Variants in ABI1 observed in about 807,000 individuals in gnomAD.
ABI1 encodes abl interactor 1.
In ABI1, 14 loss-of-function variants were observed where a neutral mutation model predicts 54.6. The observed-to-expected ratio is 0.26, with a 90% CI of 0.17 to 0.40. The LOEUF is 0.40. Ranked by LOEUF, ABI1 falls within the 10% of genes least tolerant of loss-of-function variation. ABI1 has a pLI of 1.00. For synonymous variants in ABI1, 194 were observed against 209.3 expected (o/e 0.93, Z 0.63); for missense variants, 443 against 598.3 (o/e 0.74, Z 2.71).
At chr10:26,834,884 C>T (rs2048939998) in intron 1 of ABI1, among the ~76,000 whole-genome samples, 2 of 152,078 alleles carry the variant, frequency 1.3e-5, no homozygotes, top group African/African-American at 2.4e-5. Context: ...GGGCAAATCA[C>T]TTGAGGTCAG....
intron 1 of ABI1, among the ~76,000 whole-genome samples, chr10:26,852,772 A>T (rs2050499146): frequency 6.6e-6 from 1 of 152,166 alleles, no homozygotes; most frequent in South Asian, 2.1e-4. Context: ...TTTTTCAAAA[A>T]TGTGTTTTTG....
chr10:26,823,805 C>A (rs2048137472), intron 1 of ABI1, among the ~76,000 whole-genome samples: 1 of 152,128 alleles, frequency 6.6e-6, no homozygotes, highest in East Asian at 1.9e-4. Flanking sequence ...TGCTCCAATT[C>A]CTTACCCACC....
At chr10:26,849,122 G>C (rs950169981) in intron 1 of ABI1, among the ~76,000 whole-genome samples, 1 of 152,088 alleles carries the variant, frequency 6.6e-6, no homozygotes, top group African/African-American at 2.4e-5. Context: ...GACCTTTACA[G>C]GGGGTCCACG....
intron 1 of ABI1, among the ~76,000 whole-genome samples, chr10:26,838,519 C>T (rs2049260390): frequency 6.6e-6 from 1 of 152,092 alleles, no homozygotes; most frequent in South Asian, 2.1e-4. Context: ...CCACAAGGCT[C>T]CAGAAATACT....
chr10:26,819,041 G>A (rs2047788890), intron 2 of ABI1, among the ~76,000 whole-genome samples: 5 of 152,164 alleles, frequency 3.3e-5, no homozygotes, highest in Admixed American at 3.3e-4. Context: ...TAAGACAGGA[G>A]AGAAGTGGAA....
intron 2 of ABI1, 25 bp downstream of exon 2, chr10:26,823,113 T>A (rs1346946890): frequency 6.4e-7 from 1 of 1,550,786 alleles, no homozygotes. Context: ...TTAAATTGAA[T>A]TTAAAGCATT....
rs548804394 is a variant in ABI1, at chr10:26,856,428, T to C, written c.117+4319A>G. 5.9e-5 allele frequency among the ~76,000 whole-genome samples: 6 copies of C among 102,510 alleles called. No homozygotes were observed. In the East Asian group the frequency reaches 1.7e-3, roughly 29 times the overall value. 67.3% of individuals were successfully genotyped at this position (102,510 alleles called of 152,430 possible). On this transcript the variant is annotated intron_variant, in intron 1 of 10. Transcript: ENST00000376140. ...CTCGGAACCTCTAACTGTCCATCTG[T>C]TACTCAAAAAAAAAAAAAAAAAAAA...
intron 6 of ABI1, among the ~76,000 whole-genome samples, chr10:26,766,112 C>T (rs1839923931): frequency 6.6e-6 from 1 of 151,856 alleles, no homozygotes; most frequent in African/African-American, 2.4e-5. Context: ...ATGAAACTTC[C>T]TCTCATCTCA....
At chr10:26,788,199 C>T (rs1464555358) in intron 2 of ABI1, among the ~76,000 whole-genome samples, 1 of 152,100 alleles carries the variant, frequency 6.6e-6, no homozygotes, top group South Asian at 2.1e-4. Context: ...CTCTTGCTGC[C>T]GTCGTGTAAG....
At chr10:26,840,567 G>C (rs750860815) in intron 1 of ABI1, among the ~76,000 whole-genome samples, 22 of 152,130 alleles carry the variant, frequency 1.4e-4, no homozygotes, top group Non-Finnish European at 2.8e-4. Flanking sequence ...ATCAGGACCA[G>C]TATGACACTA....
At chr10:26,826,685 ATCT>A (rs1331244737) in intron 1 of ABI1, among the ~76,000 whole-genome samples, 2 of 151,784 alleles carry the variant, frequency 1.3e-5, no homozygotes, top group African/African-American at 4.9e-5. Context: ...TCTTAGCTAG[ATCT>A]TCTGGGTAAC....
At chr10:26,854,452 GA>G (rs60327303) in intron 1 of ABI1, among the ~76,000 whole-genome samples, 44 of 132,340 alleles carry the variant, frequency 3.3e-4, no homozygotes, top group African/African-American at 2.6e-4. Context: ...TGTGAAAGAA[GA>G]AAAAAAAAAA....
chr10:26,770,860 C>T (rs963796222), intron 4 of ABI1, among the ~76,000 whole-genome samples: 1 of 152,084 alleles, frequency 6.6e-6, no homozygotes, highest in Non-Finnish European at 1.5e-5. Context: ...ATTAATGTTC[C>T]TATATAAACA....
intron 4 of ABI1, 87 bp downstream of exon 4, chr10:26,770,988 A>G (rs1840619113): frequency 2.3e-6 from 3 of 1,331,832 alleles, no homozygotes; most frequent in Non-Finnish European, 3.2e-6. Context: ...GACAGACATA[A>G]GAAGAGTTTT....
At chr10:26,857,719 T>G (rs1195283711) in intron 1 of ABI1, among the ~76,000 whole-genome samples, 1 of 150,116 alleles carries the variant, frequency 6.7e-6, no homozygotes. Context: ...TGTCCTTGCA[T>G]ATACCTGTGG....
chr10:26,823,362 T>C, intron 1 of ABI1, 57 bp from the exon 2 acceptor site: 1 of 1,309,110 alleles, frequency 7.6e-7, no homozygotes, highest in Non-Finnish European at 1.0e-6. Context: ...ATTAAATATA[T>C]ATTCTATAGA....
chr10:26,836,493 C>A (rs1338543381), intron 1 of ABI1, among the ~76,000 whole-genome samples: 5 of 152,106 alleles, frequency 3.3e-5, no homozygotes, highest in Non-Finnish European at 4.4e-5. Flanking sequence ...ATAATTAGTA[C>A]CTGTACAAAC....
chr10:26,782,496 G>A lies in ABI1; in HGVS notation c.286-5255C>T, dbSNP rs758279652. Among the ~76,000 whole-genome samples, 26 of 152,212 alleles carry A rather than the reference G, an allele frequency of 1.7e-4. 1 individual carries two copies. The highest frequency in any genetic ancestry group is 5.2e-4 in the Admixed American group (8 of 15,292). The stretch of plus-strand genomic sequence containing the variant: ...TCCCAACACTTTGGGAGGCCGAGGC[G>A]GGCAGATCACAAGGTCAGGAGATGG... On this transcript the variant is annotated intron_variant, in intron 2 of 10. Transcript: ENST00000376140.
chr10:26,839,665 A>AG, intron 1 of ABI1: 1 of 608,306 alleles, frequency 1.6e-6, no homozygotes, highest in South Asian at 1.8e-5. Flanking sequence ...AAAAAAAAAA[A>AG]ACATGCCAGG....
Sources: gnomAD v4.1 joint callset for allele counts (sites outside exome capture counted in the v4.1 genomes callset) on GRCh38, gnomAD v4.1.1 for gene constraint, MANE v1.5 for transcripts, NCBI Gene and HGNC (gene_info 2026-07-23, HGNC 2026-07-21) for gene names.